Variants in QKI observed in about 807,000 individuals in gnomAD.
QKI encodes the protein QKI, KH domain containing RNA binding.
A neutral mutation model predicts 39.0 loss-of-function variants in QKI; 10 were observed. The observed-to-expected ratio is 0.26, with a 90% confidence interval of 0.16 to 0.43. QKI has a LOEUF of 0.43. Ranked by LOEUF, QKI falls within the 20% of genes least tolerant of loss-of-function variation. The pLI is 1.00. For missense variants in QKI, 218 were observed against 428.0 expected (o/e 0.51, Z 4.33); for synonymous variants, 204 against 155.4 (o/e 1.31, Z -2.33).
intron 6 of QKI, 113 bp downstream of exon 6, chr6:163,563,832 G>A (rs572710186): frequency 2.5e-4 from 369 of 1,489,340 alleles, no homozygotes; most frequent in Non-Finnish European, 3.1e-4. Context: ...TTTGCATTAG[G>A]GAAGACCGAA....
chr6:163,564,359 CATT>C (rs1783222626), intron 6 of QKI: 1 of 1,153,616 alleles, frequency 8.7e-7, no homozygotes, highest in African/African-American at 1.6e-5. Context: ...GTGGTATAGC[CATT>C]ATAATCTTAT....
chr6:163,540,403 T>G (rs1289107538), intron 4 of QKI, among the ~76,000 whole-genome samples: 1 of 152,190 alleles, frequency 6.6e-6, no homozygotes, highest in African/African-American at 2.4e-5. Flanking sequence ...TTAAAATAAT[T>G]TTGAAGATTG....
At chr6:163,551,677 GT>G (rs1261900021) in intron 4 of QKI, among the ~76,000 whole-genome samples, 1 of 152,206 alleles carries the variant, frequency 6.6e-6, no homozygotes, top group Non-Finnish European at 1.5e-5. Flanking sequence ...GGTTGTCAAG[GT>G]TGTGCTTGAT....
intron 4 of QKI, 110 bp downstream of exon 4, chr6:163,535,235 A>T: frequency 8.6e-7 from 1 of 1,166,520 alleles, no homozygotes; most frequent in Non-Finnish European, 1.2e-6. Flanking sequence ...TAGAAATTTT[A>T]TTTAAGCATA....
intron 2 of QKI, chr6:163,457,415 G>A (rs1045368581): frequency 2.2e-6 from 1 of 455,774 alleles, no homozygotes; most frequent in African/African-American, 2.0e-5. Context: ...TACTATTACC[G>A]ACTGGTGTGT....
chr6:163,575,603 A>C lies in QKI; in HGVS notation c.*4893A>C, dbSNP rs1783937892. On this transcript the variant is annotated 3_prime_UTR_variant, in exon 8 of 8. Transcript: ENST00000361752. ...GAAAGTAGTTACTCCCATACGCACC[A>C]GTGCAGTAGCTCCAGGTGTAAGAGG... 2.6e-5 allele frequency: 4 copies of C among 152,348 alleles called. No individual in the cohort carries two copies. In the South Asian group the frequency reaches 6.2e-4, roughly 24 times the overall value. The allele number at this position is 152,348 out of a possible 1,614,324, so 9.4% of individuals were successfully genotyped here. A position where few individuals can be genotyped will look rare whatever the true frequency, so the allele number is the denominator to read the frequency against.
chr6:163,535,861 G>A (rs1208522308), intron 4 of QKI, among the ~76,000 whole-genome samples: 1 of 152,168 alleles, frequency 6.6e-6, no homozygotes, highest in African/African-American at 2.4e-5. Flanking sequence ...GAGCCTGGGA[G>A]GCAGAGGTTG....
At chr6:163,506,854 G>A (rs1198137516) in intron 3 of QKI, among the ~76,000 whole-genome samples, 1 of 152,102 alleles carries the variant, frequency 6.6e-6, no homozygotes, top group Non-Finnish European at 1.5e-5. Flanking sequence ...CCCTTTCAGT[G>A]TTGTGTTTTA....
At chr6:163,507,947 AAGAC>A (rs1422606979) in intron 3 of QKI, among the ~76,000 whole-genome samples, 6 of 152,188 alleles carry the variant, frequency 3.9e-5, no homozygotes, top group South Asian at 4.1e-4. Flanking sequence ...AAAATACAGA[AAGAC>A]AGTTCTTACA....
chr6:163,564,228 C>T lies in QKI; in HGVS notation c.934+509C>T, dbSNP rs895350897. 10 of 1,027,526 alleles carry T rather than the reference C, an allele frequency of 9.7e-6. No individual in the cohort carries two copies. The African/African-American group carries it at 1.0e-4, about 11-fold the overall frequency. 63.7% of individuals were successfully genotyped at this position (1,027,526 alleles called of 1,614,324 possible). ...ATATCAGATAAATACAGTCATGCAT[C>T]GCTTAACAACGGGGATACAGTCTAA... On this transcript the variant is annotated intron_variant, in intron 6 of 7. Transcript: ENST00000361752.
chr6:163,492,065 A>T (rs1051742550), intron 3 of QKI, among the ~76,000 whole-genome samples: 1 of 152,054 alleles, frequency 6.6e-6, no homozygotes, highest in African/African-American at 2.4e-5. Context: ...CTTATGTAAC[A>T]TTTTCTTTTT....
chr6:163,495,328 G>C (rs576263523), intron 3 of QKI, among the ~76,000 whole-genome samples: 2 of 152,156 alleles, frequency 1.3e-5, no homozygotes, highest in South Asian at 2.1e-4. Context: ...TTGAGGAGCA[G>C]TATTGGCTAA....
chr6:163,514,329 AC>A (rs566152889), intron 3 of QKI, among the ~76,000 whole-genome samples: 28 of 152,316 alleles, frequency 1.8e-4, no homozygotes, highest in Admixed American at 3.3e-4. Flanking sequence ...GGAAAATGCA[AC>A]AAACAGCTTT....
At chr6:163,507,724 CA>C (rs1224494036) in intron 3 of QKI, among the ~76,000 whole-genome samples, 2 of 151,898 alleles carry the variant, frequency 1.3e-5, no homozygotes, top group Admixed American at 6.6e-5. Context: ...TTGCCTACTA[CA>C]AAACAAAACG....
chr6:163,466,353 C>G (rs1481905656), intron 2 of QKI, among the ~76,000 whole-genome samples: 1 of 152,056 alleles, frequency 6.6e-6, no homozygotes, highest in Non-Finnish European at 1.5e-5. Flanking sequence ...AGTACAATTC[C>G]TGTCAAAATT....
At chr6:163,422,240 TC>T (rs1205160885) in intron 1 of QKI, among the ~76,000 whole-genome samples, 6 of 152,300 alleles carry the variant, frequency 3.9e-5, no homozygotes, top group Admixed American at 3.9e-4. Context: ...AGTTTGAAAA[TC>T]CGGCAATCCT....
chr6:163,563,168 TA>T (rs778441370), intron 5 of QKI, among the ~76,000 whole-genome samples: 12 of 152,238 alleles, frequency 7.9e-5, no homozygotes, highest in Non-Finnish European at 1.6e-4. Context: ...ATAACCTATT[TA>T]ATGGTGTCAT....
chr6:163,514,789 A>G (rs1322318459), intron 3 of QKI, among the ~76,000 whole-genome samples: 1 of 152,212 alleles, frequency 6.6e-6, no homozygotes, highest in African/African-American at 2.4e-5. Context: ...ATGAAGAGCA[A>G]AAAACTCAAC....
intron 3 of QKI, among the ~76,000 whole-genome samples, chr6:163,498,302 TAAAG>T (rs759973790): frequency 3.7e-4 from 56 of 152,268 alleles, no homozygotes; most frequent in Non-Finnish European, 5.7e-4. Flanking sequence ...TTCTCAGTGT[TAAAG>T]AAAGTTTTAT....
Sources: gnomAD v4.1 joint callset for allele counts (sites outside exome capture counted in the v4.1 genomes callset) on GRCh38, gnomAD v4.1.1 for gene constraint, MANE v1.5 for transcripts, NCBI Gene and HGNC (gene_info 2026-07-23, HGNC 2026-07-21) for gene names.